UPF2: variants seen among roughly 807,000 people sequenced by gnomAD.
UPF2 encodes regulator of nonsense transcripts 2.
In UPF2, 17 loss-of-function variants were observed where a neutral mutation model predicts 141.4. The observed-to-expected ratio is 0.12, with a 90% CI of 0.08 to 0.18. The LOEUF (loss-of-function observed/expected upper bound fraction) is 0.18, where lower values mean the gene tolerates loss of function less well. Among genes scored for constraint, UPF2 ranks in the 10% least tolerant of loss-of-function variants. The pLI, the probability that UPF2 is intolerant of heterozygous loss-of-function variation, is 1.00. For missense variants in UPF2, 1,152 were observed against 1,515.9 expected (o/e 0.76, Z 3.99); for synonymous variants, 540 against 498.0 (o/e 1.08, Z -1.12).
intron 10 of UPF2, among the ~76,000 whole-genome samples, chr10:11,965,513 G>A (rs1833304578): frequency 6.6e-6 from 1 of 152,130 alleles, no homozygotes; most frequent in South Asian, 2.1e-4. Flanking sequence ...AGTCTGGAGT[G>A]CAGTGGCGCA....
intron 9 of UPF2, among the ~76,000 whole-genome samples, chr10:11,971,045 A>G (rs1398317269): frequency 6.6e-6 from 1 of 152,084 alleles, no homozygotes; most frequent in African/African-American, 2.4e-5. Context: ...TATTTACATT[A>G]ATTCTAATTA....
rs762070217 is a variant in UPF2, at chr10:11,948,507, G to A, written c.3036C>T (p.Gly1012=). The A allele has an allele frequency of 6.2e-7, 1 of 1,610,534 alleles. No homozygotes were observed. The highest frequency in any genetic ancestry group is 8.5e-7 in the Non-Finnish European group (1 of 1,179,378). ...DLEREFLIKL[G]LVNDKDSKDS... Reference sequence around the variant, plus strand: ...CTTTTGAGTCTTTGTCATTTACTAGGCCTTGAAATGAGAAGGTGGAAATGG... The same window carrying A: ...CTTTTGAGTCTTTGTCATTTACTAGACCTTGAAATGAGAAGGTGGAAATGG... Residue 1012 remains glycine (G), a splice_region_variant and synonymous_variant, in exon 16 of 22, where the codon GGC becomes GGT. Coordinates refer to ENST00000357604, the MANE Select transcript of UPF2 (RefSeq NM_015542.4).
intron 3 of UPF2, among the ~76,000 whole-genome samples, chr10:12,027,419 T>C (rs975238062): frequency 2.6e-5 from 4 of 152,178 alleles, no homozygotes; most frequent in Admixed American, 6.5e-5. Flanking sequence ...TCAGTTATGA[T>C]GTATTAGGTA....
At chr10:11,928,042 G>A (rs1588522192) in intron 21 of UPF2, among the ~76,000 whole-genome samples, 1 of 152,222 alleles carries the variant, frequency 6.6e-6, no homozygotes, top group South Asian at 2.1e-4. Context: ...CACTAAGTGA[G>A]ATCAGTAAGG....
chr10:12,035,622 T>C, intron 1 of UPF2, 181 bp from the exon 2 acceptor site: 3 of 640,598 alleles, frequency 4.7e-6, no homozygotes, highest in Non-Finnish European at 7.1e-6. Flanking sequence ...CCACATCCTA[T>C]CATTATTAGT....
At chr10:11,944,468 T>G (rs766122375) in intron 16 of UPF2, among the ~76,000 whole-genome samples, 25 of 152,198 alleles carry the variant, frequency 1.6e-4, no homozygotes, top group Non-Finnish European at 3.4e-4. Context: ...CACTCCGGCC[T>G]GGGTGACAGA....
intron 21 of UPF2, among the ~76,000 whole-genome samples, chr10:11,928,910 GA>G (rs1832747771): frequency 1.3e-5 from 2 of 152,224 alleles, no homozygotes; most frequent in African/African-American, 2.4e-5. Context: ...AGCACTTTGG[GA>G]GGCCAAGGCG....
rs1158074348 is a variant in UPF2, at chr10:11,921,629, C to T, written c.3810-322G>A. 1.3e-5 allele frequency among the ~76,000 whole-genome samples: 2 copies of T among 152,130 alleles called. No homozygotes were observed. The highest frequency in any genetic ancestry group is 4.8e-5 in the African/African-American group (2 of 41,422). On this transcript the variant is annotated intron_variant, in intron 21 of 21. Transcript: ENST00000357604. This position sits in a 1 kb window ranked among gnomAD's most constrained non-coding sequence, Gnocchi z 5.9. The stretch of plus-strand genomic sequence containing the variant: ...GCATATGTTATACATAAATGCTACA[C>T]CATTTTTTACCAGGGACTTGAATGT...
At position 11,979,658 on chromosome 10, in the gene UPF2, G is replaced by C. The variant is rs1262248551; in HGVS notation, c.1845-493C>G. Among the ~76,000 whole-genome samples the C allele has an allele frequency of 1.3e-5, 2 of 152,174 alleles. No homozygotes were observed. The highest frequency in any genetic ancestry group is 2.4e-5 in the African/African-American group (1 of 41,428). On this transcript the variant is annotated intron_variant, in intron 8 of 21. Transcript: ENST00000357604. This position sits in a 1 kb window ranked among gnomAD's most constrained non-coding sequence, Gnocchi z 6.2. ...GTGGTAGCTCACGCCTGTAATCCCA[G>C]CACTTTGGGAGGCCGAGGCAGGCAG...
intron 18 of UPF2, among the ~76,000 whole-genome samples, chr10:11,941,312 T>C (rs1832932868): frequency 6.6e-6 from 1 of 152,220 alleles, no homozygotes; most frequent in South Asian, 2.1e-4. Flanking sequence ...AATGATTATG[T>C]TTTATTTGAT....
At chr10:12,000,592 TAAC>T (rs1163212360) in intron 6 of UPF2, among the ~76,000 whole-genome samples, 2 of 151,880 alleles carry the variant, frequency 1.3e-5, no homozygotes, top group East Asian at 3.9e-4. Flanking sequence ...CCAGTCTGGG[TAAC>T]ATAACAAGAC....
rs1200537844 is a variant in UPF2, at chr10:12,038,742, A to AC, written c.-18-3302_-18-3301insG. ...AGACTCCGTCTCAAAAATACAAAAAAAAACAACAACAACAACAAAAGAAAA... is the reference window on the plus strand; with the variant it reads ...AGACTCCGTCTCAAAAATACAAAAAACAAACAACAACAACAACAAAAGAAAA... On this transcript the variant is annotated intron_variant, in intron 1 of 21. Transcript: ENST00000357604. Among the ~76,000 whole-genome samples the AC allele has an allele frequency of 1.8e-4, 28 of 151,708 alleles. 1 individual carries two copies. Among genetic ancestry groups the AC allele is most frequent in the African/African-American group, 6.1e-4 (25 of 41,038 alleles).
At chr10:12,005,081 G>T (rs533199252) in intron 4 of UPF2, among the ~76,000 whole-genome samples, 3 of 146,216 alleles carry the variant, frequency 2.1e-5, no homozygotes, top group Non-Finnish European at 4.5e-5. Context: ...TAAGACATCC[G>T]TTTAAAGTCC....
intron 11 of UPF2, among the ~76,000 whole-genome samples, chr10:11,963,675 C>A (rs1404176949): frequency 6.6e-6 from 1 of 152,172 alleles, no homozygotes; most frequent in Non-Finnish European, 1.5e-5. Flanking sequence ...GTTTGAGATG[C>A]ACCAAAACAT....
At chr10:12,000,098 A>C in intron 6 of UPF2, 89 bp from the exon 7 acceptor site, 1 of 1,091,468 alleles carries the variant, frequency 9.2e-7, no homozygotes, top group Non-Finnish European at 1.3e-6. Context: ...GAAAATAGAT[A>C]ATCTAGACCA....
chr10:11,967,835 G>A (rs1052055761), intron 9 of UPF2, among the ~76,000 whole-genome samples: 6 of 152,106 alleles, frequency 3.9e-5, no homozygotes, highest in African/African-American at 9.7e-5. Context: ...GATTAGAGGC[G>A]TGAGCCACCG....
At chr10:12,038,661 G>C (rs113871708) in intron 1 of UPF2, among the ~76,000 whole-genome samples, 6 of 148,808 alleles carry the variant, frequency 4.0e-5, no homozygotes, top group Non-Finnish European at 7.5e-5. Context: ...CCCGGGAGGC[G>C]GAGGCTGCAG....
chr10:11,983,041 C>T (rs1229414361), intron 8 of UPF2, among the ~76,000 whole-genome samples: 1 of 152,198 alleles, frequency 6.6e-6, no homozygotes, highest in East Asian at 1.9e-4. Context: ...GCAGACAGTT[C>T]ACCAGCACTC....
intron 4 of UPF2, among the ~76,000 whole-genome samples, chr10:12,009,777 A>G: frequency 6.6e-6 from 1 of 152,200 alleles, no homozygotes; most frequent in East Asian, 1.9e-4. Flanking sequence ...AGTACCAGAG[A>G]GGAGAAACCA....
Sources: allele counts gnomAD v4.1 joint callset (sites outside exome capture counted in the v4.1 genomes callset), GRCh38; gene constraint gnomAD v4.1.1; non-coding constraint Gnocchi (gnomAD v3.1); transcripts MANE v1.5; gene names NCBI Gene and HGNC (gene_info 2026-07-23, HGNC 2026-07-21).